The following CACNA2D3 variants were observed in gnomAD, a reference collection of about 807,000 sequenced individuals.
The protein encoded by CACNA2D3 is voltage-dependent calcium channel subunit alpha-2/delta-3.
CACNA2D3 carries 60 observed loss-of-function variants against 160.6 expected under a neutral mutation model. That is an observed-to-expected ratio of 0.37 (90% CI 0.30 to 0.46). The LOEUF (loss-of-function observed/expected upper bound fraction) is 0.46. CACNA2D3 is among the 20% of genes least tolerant of loss of function. CACNA2D3 has a pLI of 1.00. For synonymous variants in CACNA2D3, 558 were observed against 492.9 expected (o/e 1.13, Z -1.75); for missense variants, 1,205 against 1,365.0 (o/e 0.88, Z 1.85).
intron 4 of CACNA2D3, among the ~76,000 whole-genome samples, chr3:54,411,818 A>G (rs1699672793): frequency 6.6e-6 from 1 of 152,234 alleles, no homozygotes; most frequent in African/African-American, 2.4e-5. Context: ...AACAAAAAAC[A>G]AAAAAGAGCC....
chr3:54,650,302 G>A (rs1699736230), intron 11 of CACNA2D3, among the ~76,000 whole-genome samples: 1 of 151,982 alleles, frequency 6.6e-6, no homozygotes, highest in Non-Finnish European at 1.5e-5. Flanking sequence ...GGGTTCAAGT[G>A]GTTACTCATG....
intron 2 of CACNA2D3, among the ~76,000 whole-genome samples, chr3:54,265,801 A>G (rs1379185240): frequency 6.6e-6 from 1 of 151,634 alleles, no homozygotes; most frequent in African/African-American, 2.4e-5. Flanking sequence ...AAGGAAACAA[A>G]GTATATCTTT....
At chr3:55,028,370 G>T (rs1055529097) in intron 35 of CACNA2D3, among the ~76,000 whole-genome samples, 1 of 152,134 alleles carries the variant, frequency 6.6e-6, no homozygotes, top group African/African-American at 2.4e-5. Flanking sequence ...AGGGTTGGTG[G>T]TTTGGCTGCT....
chr3:54,129,221 C>T (rs764764044), intron 2 of CACNA2D3, among the ~76,000 whole-genome samples: 3 of 152,214 alleles, frequency 2.0e-5, no homozygotes, highest in Non-Finnish European at 4.4e-5. Context: ...ACAGCTCACC[C>T]TTGGCAGATT....
chr3:54,954,021 A>C (rs1027866649), intron 27 of CACNA2D3, among the ~76,000 whole-genome samples: 2 of 152,164 alleles, frequency 1.3e-5, no homozygotes, highest in African/African-American at 4.8e-5. Context: ...ATTCAACCTA[A>C]TTTCCATCAG....
intron 4 of CACNA2D3, among the ~76,000 whole-genome samples, chr3:54,462,364 T>C (rs1334136886): frequency 6.6e-6 from 1 of 152,224 alleles, no homozygotes; most frequent in Non-Finnish European, 1.5e-5. Context: ...TGTCTAATGT[T>C]GACAGTGGGG....
intron 2 of CACNA2D3, among the ~76,000 whole-genome samples, chr3:54,236,453 A>G (rs1466698132): frequency 6.6e-6 from 1 of 152,206 alleles, no homozygotes; most frequent in Non-Finnish European, 1.5e-5. Context: ...ATCTAAAACT[A>G]TTCTGAGATA....
At chr3:54,972,868 A>G (rs1702305757) in intron 29 of CACNA2D3, among the ~76,000 whole-genome samples, 1 of 152,168 alleles carries the variant, frequency 6.6e-6, no homozygotes, top group South Asian at 2.1e-4. Flanking sequence ...AACAGTTCAC[A>G]CACTCATTTC....
At chr3:54,732,181 T>C (rs1701402195) in intron 11 of CACNA2D3, among the ~76,000 whole-genome samples, 1 of 152,254 alleles carries the variant, frequency 6.6e-6, no homozygotes, top group Non-Finnish European at 1.5e-5. Flanking sequence ...ATATATTTGA[T>C]GACATCACTC....
intron 2 of CACNA2D3, among the ~76,000 whole-genome samples, chr3:54,271,567 G>C (rs1056514610): frequency 3.9e-5 from 6 of 152,160 alleles, no homozygotes; most frequent in African/African-American, 1.4e-4. Flanking sequence ...CTGGGGAGTG[G>C]GTTCAGTTTT....
intron 2 of CACNA2D3, among the ~76,000 whole-genome samples, chr3:54,141,094 C>CGCGTGCGCGCGCACGT (rs1553731353): frequency 4.1e-4 from 34 of 81,976 alleles, no homozygotes; most frequent in Admixed American, 8.7e-4. Context: ...TGTGCGCGCG[C>CGCGTGCGCGCGCACGT]GCGCGTGTGT....
At chr3:54,159,584 T>G (rs1700305120) in intron 2 of CACNA2D3, among the ~76,000 whole-genome samples, 1 of 152,150 alleles carries the variant, frequency 6.6e-6, no homozygotes, top group Non-Finnish European at 1.5e-5. Context: ...GTGCCAGGCT[T>G]GTGTTGGGTG....
rs200300768 is a variant in CACNA2D3 at position 54,642,258 on chromosome 3, C to T, written c.1167+17C>T. 1.2e-3 allele frequency: 1,749 copies of T among 1,500,652 alleles called. 1 individual carries two copies. The highest frequency in any genetic ancestry group is 1.5e-3 in the Non-Finnish European group (1,626 of 1,084,982). The allele number at this position is 1,500,652 out of a possible 1,614,324, so 93.0% of individuals were successfully genotyped here. A position where few individuals can be genotyped will look rare whatever the true frequency, so the allele number is the denominator to read the frequency against. Reference sequence around the variant, plus strand: ...GATCGAAAGGTAAGTTGATGCTGATCCCGTCTGTGCGGTGGACTCCTTGAG... The same window carrying T: ...GATCGAAAGGTAAGTTGATGCTGATTCCGTCTGTGCGGTGGACTCCTTGAG... On this transcript the variant is annotated intron_variant, in intron 11 of 37. Transcript: ENST00000474759.
chr3:54,494,687 T>G (rs372246909), intron 4 of CACNA2D3, among the ~76,000 whole-genome samples: 4 of 152,198 alleles, frequency 2.6e-5, no homozygotes, highest in Admixed American at 6.5e-5. Flanking sequence ...TTCACACTGC[T>G]ATAAAGAATA....
chr3:54,411,728 T>C (rs1699671221), intron 4 of CACNA2D3, among the ~76,000 whole-genome samples: 1 of 152,196 alleles, frequency 6.6e-6, no homozygotes, highest in South Asian at 2.1e-4. Context: ...ACAGTATCTC[T>C]GAGGTATGCC....
intron 11 of CACNA2D3, among the ~76,000 whole-genome samples, chr3:54,684,963 T>C (rs1700423226): frequency 6.7e-6 from 1 of 149,892 alleles, no homozygotes; most frequent in Non-Finnish European, 1.5e-5. Context: ...TGTGGAAACA[T>C]GTGTTTACCT....
chr3:54,184,543 C>T (rs1193690336), intron 2 of CACNA2D3, among the ~76,000 whole-genome samples: 1 of 152,214 alleles, frequency 6.6e-6, no homozygotes, highest in African/African-American at 2.4e-5. Context: ...CCCCAATCCC[C>T]AGAGCATACA....
At chr3:54,563,024 C>T in intron 6 of CACNA2D3, 93 bp downstream of exon 6, 1 of 1,222,990 alleles carries the variant, frequency 8.2e-7, no homozygotes, top group African/African-American at 1.5e-5. Context: ...AACTTTTCTG[C>T]CTTTTCTTAG....
chr3:54,585,747 C>A (rs1320531041), intron 9 of CACNA2D3, among the ~76,000 whole-genome samples: 1 of 152,100 alleles, frequency 6.6e-6, no homozygotes, highest in Non-Finnish European at 1.5e-5. Flanking sequence ...ATAGGAAAAA[C>A]CCACCTTCAT....
Sources: gnomAD v4.1 joint callset for allele counts (sites outside exome capture counted in the v4.1 genomes callset) on GRCh38, gnomAD v4.1.1 for gene constraint, MANE v1.5 for transcripts, NCBI Gene and HGNC (gene_info 2026-07-23, HGNC 2026-07-21) for gene names.